Variants in MARCHF1 observed in about 807,000 individuals in gnomAD.
The protein encoded by MARCHF1 is E3 ubiquitin-protein ligase MARCHF1.
In MARCHF1, 40 loss-of-function variants were observed where a neutral mutation model predicts 54.2. The ratio of observed to expected loss-of-function variants is 0.74; its 90% CI spans 0.57 to 0.96. The LOEUF (loss-of-function observed/expected upper bound fraction) is 0.96. Ranked by LOEUF, MARCHF1 falls within the 40% of genes least tolerant of loss-of-function variation. MARCHF1 has a pLI of 0.00. For synonymous variants in MARCHF1, 236 were observed against 236.3 expected (o/e 1.00, Z 0.01); for missense variants, 586 against 656.5 (o/e 0.89, Z 1.17).
intron 4 of MARCHF1, among the ~76,000 whole-genome samples, chr4:163,809,132 A>C (rs1748312610): frequency 6.6e-6 from 1 of 152,178 alleles, no homozygotes; most frequent in Non-Finnish European, 1.5e-5. Flanking sequence ...TGTAAATAAC[A>C]ATCAACAACA....
chr4:164,328,601 C>T (rs943766487), intron 1 of MARCHF1, among the ~76,000 whole-genome samples: 11 of 151,536 alleles, frequency 7.3e-5, no homozygotes, highest in Non-Finnish European at 1.2e-4. Flanking sequence ...GCAATCTAGG[C>T]TCACTGCAAC....
chr4:163,724,615 T>C lies in MARCHF1; in HGVS notation c.112-23752A>G, dbSNP rs372093400. 2.0e-4 allele frequency among the ~76,000 whole-genome samples: 31 copies of C among 152,314 alleles called. 1 individual carries two copies. In the East Asian group the frequency reaches 2.9e-3, roughly 14 times the overall value. ...ATGCCCTGCCCCTAGAGGTGGAGTC[T>C]ACAAAGGCGGGCAAGCCTCCTTGAG... On this transcript the variant is annotated intron_variant, in intron 4 of 9. Coordinates refer to ENST00000514618, the MANE Select transcript of MARCHF1 (RefSeq NM_001394959.1).
At chr4:164,208,226 T>C (rs950582627) in intron 1 of MARCHF1, among the ~76,000 whole-genome samples, 2 of 152,144 alleles carry the variant, frequency 1.3e-5, no homozygotes, top group African/African-American at 4.8e-5. Context: ...ATCAAGACTG[T>C]GGAAAGTAAC....
At chr4:163,689,183 A>G (rs1744364304) in intron 5 of MARCHF1, among the ~76,000 whole-genome samples, 1 of 152,188 alleles carries the variant, frequency 6.6e-6, no homozygotes, top group Non-Finnish European at 1.5e-5. Context: ...GGGACCATTT[A>G]TGGTCAATAG....
At chr4:164,197,278 T>C in intron 1 of MARCHF1, 3 of 1,611,504 alleles carry the variant, frequency 1.9e-6, no homozygotes, top group Non-Finnish European at 2.5e-6. Flanking sequence ...GTGGTCCCAG[T>C]AACAGCTGTC....
intron 1 of MARCHF1, among the ~76,000 whole-genome samples, chr4:164,112,791 C>T (rs535041953): frequency 6.6e-6 from 1 of 151,852 alleles, no homozygotes; most frequent in South Asian, 2.1e-4. Flanking sequence ...AATATTTCTA[C>T]AAGAAAAGAA....
At chr4:164,000,159 A>C (rs1036246773) in intron 2 of MARCHF1, among the ~76,000 whole-genome samples, 2 of 151,750 alleles carry the variant, frequency 1.3e-5, no homozygotes, top group African/African-American at 4.8e-5. Flanking sequence ...TGTTTTTGCT[A>C]TCATAAGTTT....
In MARCHF1 at chr4:164,106,209, G is replaced by A. The variant is rs1404022386; in HGVS notation, c.-248+5379C>T. ...CAACCATTGTGGAAGTCAGTGTGGC[G>A]ATTCCTCAGGGATCTAGAACTGGAA... On this transcript the variant is annotated intron_variant, in intron 2 of 9. Transcript: ENST00000514618. Among the ~76,000 whole-genome samples, 4 of 138,322 alleles carry A rather than the reference G, an allele frequency of 2.9e-5. No individual in the cohort carries two copies. The South Asian group carries it at 9.3e-4, about 32-fold the overall frequency. The allele number at this position is 138,322 out of a possible 152,430, so 90.7% of individuals were successfully genotyped here.
chr4:163,941,114 C>T (rs2110750387), intron 3 of MARCHF1, among the ~76,000 whole-genome samples: 1 of 152,148 alleles, frequency 6.6e-6, no homozygotes, highest in Admixed American at 6.5e-5. Flanking sequence ...GCTAAACAGG[C>T]TATGTATCCT....
At chr4:163,632,647 C>A (rs1449750707) in intron 5 of MARCHF1, among the ~76,000 whole-genome samples, 1 of 152,210 alleles carries the variant, frequency 6.6e-6, no homozygotes. Context: ...GATCAAACTG[C>A]AAGGCGGCAG....
At chr4:164,002,650 C>T (rs145877694) in intron 2 of MARCHF1, among the ~76,000 whole-genome samples, 17 of 151,588 alleles carry the variant, frequency 1.1e-4, no homozygotes, top group South Asian at 4.2e-4. Flanking sequence ...ATACATTGAA[C>T]GAAATAGTGT....
In MARCHF1 at chr4:164,027,362, TAAAAAAAAAAAAAAAAA is replaced by T. The variant is rs59453843; in HGVS notation, c.-247-38670_-247-38654del. Among the ~76,000 whole-genome samples, 7 of 10,792 alleles carry T rather than the reference TAAAAAAAAAAAAAAAAA, an allele frequency of 6.5e-4. No homozygotes were observed. In the Admixed American group the frequency reaches 0.012, roughly 19 times the overall value. 7.1% of individuals were successfully genotyped at this position (10,792 alleles called of 152,430 possible). A position where few individuals can be genotyped will look rare whatever the true frequency, so the allele number is the denominator to read the frequency against. ...TAGTACCAAAACAGCATGGTACAGG[TAAAAAAAAAAAAAAAAA>T]AAAAAAAAAAAAAAGATACATAGAT... is the stretch of plus-strand genomic sequence containing the variant. On this transcript the variant is annotated intron_variant, in intron 2 of 9. Transcript: ENST00000514618.
At chr4:164,313,978 A>G (rs574645019) in intron 1 of MARCHF1, among the ~76,000 whole-genome samples, 5 of 152,322 alleles carry the variant, frequency 3.3e-5, no homozygotes, top group South Asian at 4.1e-4. Context: ...CTTTTACTCC[A>G]TTTCTATTCA....
chr4:164,189,593 G>T, intron 1 of MARCHF1: 1 of 947,564 alleles, frequency 1.1e-6, no homozygotes. Context: ...GTGCTCTCTG[G>T]TGATCAAGAT....
chr4:164,370,866 C>A (rs1054190056), intron 1 of MARCHF1, among the ~76,000 whole-genome samples: 6 of 151,910 alleles, frequency 3.9e-5, no homozygotes, highest in Non-Finnish European at 8.8e-5. Flanking sequence ...CGAGATCTTG[C>A]CACCACCCTC....
intron 3 of MARCHF1, among the ~76,000 whole-genome samples, chr4:163,961,592 G>A (rs543658496): frequency 3.3e-5 from 5 of 151,812 alleles, no homozygotes; most frequent in African/African-American, 4.8e-5. Context: ...GTCCTATCTC[G>A]GTTTACCATG....
chr4:164,276,947 T>TATATATATATAGAG (rs1392528920), intron 1 of MARCHF1, among the ~76,000 whole-genome samples: 67 of 118,798 alleles, frequency 5.6e-4, no homozygotes, highest in East Asian at 1.2e-3. Flanking sequence ...TATATATATA[T>TATATATATATAGAG]AGAGAGAGAG....
chr4:163,676,487 A>G (rs75014960), intron 5 of MARCHF1, among the ~76,000 whole-genome samples: 2,737 of 152,202 alleles, frequency 0.018, 54 homozygotes, highest in East Asian at 0.083. Flanking sequence ...TAGGTCATGC[A>G]TGTAATCCAA....
intron 1 of MARCHF1, among the ~76,000 whole-genome samples, chr4:164,173,578 A>C (rs985967681): frequency 6.6e-6 from 1 of 152,078 alleles, no homozygotes; most frequent in Admixed American, 6.5e-5. Flanking sequence ...CATGGGGGTA[A>C]ATGACTCATA....
Sources: allele counts gnomAD v4.1 joint callset (sites outside exome capture counted in the v4.1 genomes callset), GRCh38; gene constraint gnomAD v4.1.1; transcripts MANE v1.5; gene names NCBI Gene and HGNC (gene_info 2026-07-23, HGNC 2026-07-21).